CEP89: variants seen among roughly 807,000 people sequenced by gnomAD.
The protein encoded by CEP89 is centrosomal protein 89.
A neutral mutation model predicts 97.6 loss-of-function variants in CEP89; 95 were observed. The observed-to-expected ratio is 0.97, with a 90% CI of 0.82 to 1.15. The LOEUF is 1.15. Among genes scored for constraint, CEP89 ranks in the 50% most tolerant of loss-of-function variants. The pLI, the probability that CEP89 is intolerant of heterozygous loss-of-function variation, is 0.00. For synonymous variants in CEP89, 354 were observed against 349.1 expected, an observed-to-expected ratio of 1.01 and a Z score of -0.16; for missense variants, 869 against 947.7, an observed-to-expected ratio of 0.92 and a Z score of 1.09.
intron 4 of CEP89, among the ~76,000 whole-genome samples, chr19:32,953,274 T>G (rs1055120820): frequency 6.6e-6 from 1 of 151,346 alleles, no homozygotes; most frequent in African/African-American, 2.4e-5. Flanking sequence ...CCGTCAGGCA[T>G]GAATTTAAAG....
chr19:32,908,987 T>C (rs1204121069), intron 14 of CEP89, among the ~76,000 whole-genome samples: 1 of 152,196 alleles, frequency 6.6e-6, no homozygotes, highest in Admixed American at 6.5e-5. Context: ...TGTCTTGCTT[T>C]CTCTGCCCAT....
chr19:32,893,020 G>T (rs1021858949), intron 16 of CEP89, among the ~76,000 whole-genome samples: 4 of 151,894 alleles, frequency 2.6e-5, no homozygotes, highest in African/African-American at 9.7e-5. Flanking sequence ...AATGATAGGA[G>T]TAAGTCCTCG....
At chr19:32,912,207 A>AAAAAAAAAGG (rs765296898) in intron 14 of CEP89, among the ~76,000 whole-genome samples, 2 of 151,980 alleles carry the variant, frequency 1.3e-5, no homozygotes, top group African/African-American at 4.8e-5. Flanking sequence ...TGTCTCAAAA[A>AAAAAAAAAGG]AAAAAAAAGG....
intron 1 of CEP89, chr19:32,971,221 T>C (rs1971399006): frequency 3.1e-6 from 1 of 321,368 alleles, no homozygotes; most frequent in African/African-American, 2.1e-5. Context: ...CGGATGGGAC[T>C]TGCTGATGGG....
chr19:32,915,545 C>T lies in CEP89; in HGVS notation c.1385-28G>A, dbSNP rs757182898. ...GAAAATCAAAAGAGGAAGATAAAAA[C>T]TTGGCACAGAAGACCTCACAAAACA... On this transcript the variant is annotated intron_variant, in intron 13 of 18. Coordinates refer to ENST00000305768, the MANE Select transcript of CEP89 (RefSeq NM_032816.5). The T allele has an allele frequency of 1.9e-6, 3 of 1,592,222 alleles. No individual in the cohort carries two copies. In the East Asian group the frequency reaches 6.7e-5, roughly 36 times the overall value.
chr19:32,971,193 T>A (rs915095314), intron 1 of CEP89: 5 of 263,924 alleles, frequency 1.9e-5, no homozygotes, highest in Non-Finnish European at 3.6e-5. Flanking sequence ...AGCTGGCAGA[T>A]GTATGTAGTG....
intron 4 of CEP89, among the ~76,000 whole-genome samples, chr19:32,952,237 T>C (rs1307204203): frequency 6.6e-6 from 1 of 151,826 alleles, no homozygotes; most frequent in African/African-American, 2.4e-5. Flanking sequence ...TCCCAACACT[T>C]TGGGAGCCCG....
intron 12 of CEP89, among the ~76,000 whole-genome samples, chr19:32,921,422 G>A (rs986437300): frequency 2.0e-5 from 3 of 152,256 alleles, no homozygotes; most frequent in South Asian, 2.1e-4. Context: ...AGAGGCTGGC[G>A]GCCAGGGAGG....
At chr19:32,886,873 T>C (rs79284091) in intron 17 of CEP89, among the ~76,000 whole-genome samples, 8 of 151,096 alleles carry the variant, frequency 5.3e-5, no homozygotes, top group African/African-American at 1.5e-4. Flanking sequence ...TTTTTTTTTT[T>C]CTTAAAGAGA....
At chr19:32,932,008 C>T (rs562486040) in intron 8 of CEP89, among the ~76,000 whole-genome samples, 27 of 152,134 alleles carry the variant, frequency 1.8e-4, no homozygotes, top group South Asian at 1.0e-3. Flanking sequence ...GGTGAAACCC[C>T]GTCTCTACTA....
intron 17 of CEP89, among the ~76,000 whole-genome samples, chr19:32,886,199 G>GT (rs552522610): frequency 2.3e-4 from 35 of 152,152 alleles, no homozygotes; most frequent in Non-Finnish European, 4.3e-4. Context: ...ACTTTTCCTG[G>GT]TAAGTTTTCA....
chr19:32,924,511 C>A (rs896369161), intron 11 of CEP89, among the ~76,000 whole-genome samples: 1 of 152,194 alleles, frequency 6.6e-6, no homozygotes, highest in Non-Finnish European at 1.5e-5. Flanking sequence ...GTGTCCTGCG[C>A]TGTCCTTTGG....
intron 4 of CEP89, among the ~76,000 whole-genome samples, chr19:32,952,113 G>A (rs1174984378): frequency 6.6e-6 from 1 of 152,110 alleles, no homozygotes; most frequent in Non-Finnish European, 1.5e-5. Context: ...GTCTGTATAT[G>A]TGGGAAAATG....
intron 8 of CEP89, among the ~76,000 whole-genome samples, chr19:32,931,952 C>T (rs921482801): frequency 2.0e-5 from 3 of 152,118 alleles, no homozygotes; most frequent in Non-Finnish European, 2.9e-5. Context: ...GAGGCCGAGG[C>T]GGGTGGATCA....
intron 3 of CEP89, among the ~76,000 whole-genome samples, chr19:32,957,937 A>G (rs1008150257): frequency 2.0e-5 from 3 of 152,116 alleles, no homozygotes; most frequent in Non-Finnish European, 4.4e-5. Flanking sequence ...AGGAGGTTGC[A>G]GTGAGCCATG....
intron 11 of CEP89, 58 bp from the exon 12 acceptor site, chr19:32,923,600 A>T: frequency 9.1e-7 from 1 of 1,094,074 alleles, no homozygotes; most frequent in Non-Finnish European, 1.4e-6. Context: ...TATATTTCTC[A>T]GTTCTGGTGC....
intron 5 of CEP89, among the ~76,000 whole-genome samples, chr19:32,941,059 C>T (rs1323754082): frequency 6.6e-6 from 1 of 152,118 alleles, no homozygotes. Context: ...CTGTGCCTGG[C>T]CCTGAGTTGC....
At chr19:32,937,998 C>T (rs1471189996) in intron 6 of CEP89, among the ~76,000 whole-genome samples, 1 of 123,256 alleles carries the variant, frequency 8.1e-6, no homozygotes, top group Non-Finnish European at 1.6e-5. Flanking sequence ...GGCCATCACA[C>T]CTAATTTTTT....
chr19:32,888,345 G>T (rs892973591), intron 16 of CEP89, among the ~76,000 whole-genome samples: 1 of 152,152 alleles, frequency 6.6e-6, no homozygotes, highest in African/African-American at 2.4e-5. Flanking sequence ...TATCCAGGTT[G>T]GACGTGACCT....
Sources: allele counts gnomAD v4.1 joint callset (sites outside exome capture counted in the v4.1 genomes callset), GRCh38; gene constraint gnomAD v4.1.1; transcripts MANE v1.5; gene names NCBI Gene and HGNC (gene_info 2026-07-23, HGNC 2026-07-21).